GRID1: variants seen among roughly 807,000 people sequenced by gnomAD.
GRID1 encodes the protein glutamate ionotropic receptor delta type subunit 1.
A neutral mutation model predicts 98.0 loss-of-function variants in GRID1; 28 were observed. The ratio of observed to expected loss-of-function variants is 0.29; its 90% CI spans 0.21 to 0.39. GRID1 has a LOEUF of 0.39. GRID1 is among the 10% of genes least tolerant of loss of function. GRID1 has a pLI of 1.00. For missense variants in GRID1, 1,111 were observed against 1,340.5 expected (o/e 0.83, Z 2.67); for synonymous variants, 553 against 538.5 (o/e 1.03, Z -0.37).
intron 4 of GRID1, among the ~76,000 whole-genome samples, chr10:86,041,303 ACAC>A (rs1458721853): frequency 6.6e-6 from 1 of 152,178 alleles, no homozygotes; most frequent in Admixed American, 6.5e-5. Flanking sequence ...AGTCTTGCAA[ACAC>A]CACAACAACA....
intron 4 of GRID1, among the ~76,000 whole-genome samples, chr10:85,917,361 AT>A (rs1461392569): frequency 1.3e-5 from 2 of 152,196 alleles, no homozygotes; most frequent in Non-Finnish European, 2.9e-5. Flanking sequence ...ATTAAAAAAA[AT>A]ATGCTGACAT....
chr10:86,177,830 C>T (rs932572098), intron 3 of GRID1, among the ~76,000 whole-genome samples: 1 of 151,800 alleles, frequency 6.6e-6, no homozygotes, highest in African/African-American at 2.4e-5. Flanking sequence ...CGCGTGTGTG[C>T]ACGAGACAGA....
chr10:85,916,291 G>A lies in GRID1; in HGVS notation c.727-52C>T. On this transcript the variant is annotated intron_variant, in intron 4 of 15. Coordinates refer to ENST00000327946, the MANE Select transcript of GRID1 (RefSeq NM_017551.3). This position sits in a 1 kb window ranked among gnomAD's most constrained non-coding sequence, Gnocchi z 4.0. The stretch of plus-strand genomic sequence containing the variant: ...AACAGAAGCAAGACAGAAGCTGGCA[G>A]ACACAGGATGATTGCCGAGACAGAG... 7.9e-7 allele frequency: 1 copy of A among 1,264,058 alleles called. No individual in the cohort carries two copies. Among genetic ancestry groups the A allele is most frequent in the Non-Finnish European group, 1.2e-6 (1 of 861,536 alleles). The allele number at this position is 1,264,058 out of a possible 1,614,324, so 78.3% of individuals were successfully genotyped here. A position where few individuals can be genotyped will look rare whatever the true frequency, so the allele number is the denominator to read the frequency against.
intron 3 of GRID1, among the ~76,000 whole-genome samples, chr10:86,189,348 T>G (rs1417871053): frequency 6.6e-6 from 1 of 152,054 alleles, no homozygotes; most frequent in African/African-American, 2.4e-5. Context: ...CGTCACTTCC[T>G]GCTACAAAGT....
intron 4 of GRID1, among the ~76,000 whole-genome samples, chr10:86,001,519 G>A (rs767267670): frequency 6.6e-6 from 1 of 152,176 alleles, no homozygotes; most frequent in Non-Finnish European, 1.5e-5. Context: ...CCTGAGCTTG[G>A]TGACTCCTTA....
At chr10:86,188,058 G>A (rs1845750087) in intron 3 of GRID1, among the ~76,000 whole-genome samples, 2 of 152,110 alleles carry the variant, frequency 1.3e-5, no homozygotes, top group South Asian at 4.1e-4. Flanking sequence ...GCCCCTTATA[G>A]CGCAGATCCT....
chr10:85,677,978 A>G (rs1841164113), intron 12 of GRID1, among the ~76,000 whole-genome samples: 1 of 152,112 alleles, frequency 6.6e-6, no homozygotes, highest in Admixed American at 6.5e-5. Flanking sequence ...TGTCTACAGA[A>G]GAAGGGATTT....
chr10:86,328,129 G>C (rs1028721114), intron 2 of GRID1, among the ~76,000 whole-genome samples: 1 of 152,184 alleles, frequency 6.6e-6, no homozygotes, highest in Admixed American at 6.5e-5. Context: ...TGCATGAAAA[G>C]AAGCAAGTGC....
At chr10:85,743,895 G>A (rs1358092113) in intron 8 of GRID1, among the ~76,000 whole-genome samples, 1 of 152,120 alleles carries the variant, frequency 6.6e-6, no homozygotes. Context: ...ATGCATAGGT[G>A]CATAGATAGT....
At chr10:86,299,737 C>T (rs1847654064) in intron 2 of GRID1, among the ~76,000 whole-genome samples, 1 of 152,066 alleles carries the variant, frequency 6.6e-6, no homozygotes, top group Admixed American at 6.6e-5. Context: ...CCTCCAACAC[C>T]AAGCAGAGTC....
At chr10:85,822,684 C>G (rs1590248558) in intron 8 of GRID1, among the ~76,000 whole-genome samples, 1 of 152,178 alleles carries the variant, frequency 6.6e-6, no homozygotes, top group East Asian at 1.9e-4. Flanking sequence ...CATCCCATTA[C>G]TGGGTATATA....
intron 4 of GRID1, among the ~76,000 whole-genome samples, chr10:85,964,501 T>C (rs11593655): frequency 0.13 from 20,413 of 152,064 alleles, 1,501 homozygotes; most frequent in Admixed American, 0.22. Flanking sequence ...TCTACAACCA[T>C]CTAATCTTTG....
chr10:86,035,523 C>A (rs1382607496), intron 4 of GRID1, among the ~76,000 whole-genome samples: 2 of 152,188 alleles, frequency 1.3e-5, no homozygotes, highest in Non-Finnish European at 2.9e-5. Context: ...GAGGCACTGG[C>A]CACACAAGCA....
chr10:86,159,979 C>T (rs1384878273), intron 3 of GRID1, among the ~76,000 whole-genome samples: 1 of 152,096 alleles, frequency 6.6e-6, no homozygotes, highest in Non-Finnish European at 1.5e-5. Flanking sequence ...TCATCACCAC[C>T]ATCATCATCA....
chr10:85,949,567 T>C (rs1243473352), intron 4 of GRID1, among the ~76,000 whole-genome samples: 1 of 152,184 alleles, frequency 6.6e-6, no homozygotes, highest in Non-Finnish European at 1.5e-5. Context: ...TTCCAGGTTT[T>C]TGCTATTATG....
intron 2 of GRID1, among the ~76,000 whole-genome samples, chr10:86,223,401 G>A (rs745273): frequency 0.29 from 43,432 of 152,156 alleles, 7,036 homozygotes; most frequent in Non-Finnish European, 0.38. Context: ...CTGGGGGCTC[G>A]GCCCCTCCAA....
intron 4 of GRID1, among the ~76,000 whole-genome samples, chr10:86,001,934 T>G (rs1472081410): frequency 6.6e-6 from 1 of 152,186 alleles, no homozygotes; most frequent in African/African-American, 2.4e-5. Context: ...CAGCTTCTAG[T>G]AGCCCCAGGC....
chr10:85,668,461 T>C (rs149662297), intron 12 of GRID1, among the ~76,000 whole-genome samples: 16 of 152,192 alleles, frequency 1.1e-4, no homozygotes, highest in Non-Finnish European at 2.1e-4. Context: ...CTTTTCTTAG[T>C]GTGTGGAGCC....
chr10:85,915,684 A>G (rs1271507682), intron 5 of GRID1, among the ~76,000 whole-genome samples: 1 of 151,960 alleles, frequency 6.6e-6, no homozygotes, highest in Non-Finnish European at 1.5e-5. Flanking sequence ...ACACACATAC[A>G]CACTCACATC....
Sources: gnomAD v4.1 joint callset for allele counts (sites outside exome capture counted in the v4.1 genomes callset) on GRCh38, gnomAD v4.1.1 for gene constraint, Gnocchi (gnomAD v3.1) non-coding constraint, MANE v1.5 for transcripts, NCBI Gene and HGNC (gene_info 2026-07-23, HGNC 2026-07-21) for gene names.